Variants in ATP8A2 observed in about 807,000 individuals in gnomAD.
ATP8A2 encodes ATPase phospholipid transporting 8A2, also known as phospholipid-transporting ATPase IB.
In ATP8A2, 100 loss-of-function variants were observed where a neutral mutation model predicts 165.6. The observed-to-expected ratio is 0.60, with a 90% CI of 0.51 to 0.71. ATP8A2 has a LOEUF of 0.71. Ranked by LOEUF, ATP8A2 falls within the 30% of genes least tolerant of loss-of-function variation. The pLI is 0.00. For missense variants in ATP8A2, 1,227 were observed against 1,479.5 expected, an observed-to-expected ratio of 0.83 and a Z score of 2.80; for synonymous variants, 543 against 548.8, an observed-to-expected ratio of 0.99 and a Z score of 0.15.
intron 1 of ATP8A2, among the ~76,000 whole-genome samples, chr13:25,424,819 G>A (rs1444911872): frequency 1.3e-5 from 2 of 152,108 alleles, no homozygotes; most frequent in Non-Finnish European, 2.9e-5. Flanking sequence ...TTAGCTAGAT[G>A]TGGTGGTGGG....
chr13:25,715,418 T>C (rs1188824239), intron 25 of ATP8A2, among the ~76,000 whole-genome samples: 7 of 152,226 alleles, frequency 4.6e-5, no homozygotes, highest in African/African-American at 1.7e-4. Context: ...TACAGCAGTA[T>C]AACTATCACT....
chr13:25,570,503 G>T (rs921614719), intron 16 of ATP8A2, among the ~76,000 whole-genome samples: 1 of 152,150 alleles, frequency 6.6e-6, no homozygotes, highest in South Asian at 2.1e-4. Context: ...AGGCTCTTTC[G>T]TCTTTTCTCT....
At chr13:25,554,015 A>T in intron 12 of ATP8A2, 95 bp downstream of exon 12, 1 of 1,334,888 alleles carries the variant, frequency 7.5e-7, no homozygotes, top group South Asian at 1.4e-5. Flanking sequence ...AACTATATTC[A>T]TTTACCATTA....
chr13:25,739,999 T>A (rs2043872156), intron 25 of ATP8A2, among the ~76,000 whole-genome samples: 2 of 152,198 alleles, frequency 1.3e-5, no homozygotes, highest in Non-Finnish European at 2.9e-5. Flanking sequence ...AGGGGCCACC[T>A]ACATTGCTCA....
At chr13:25,869,744 C>G (rs757209094) in intron 33 of ATP8A2, among the ~76,000 whole-genome samples, 1 of 152,158 alleles carries the variant, frequency 6.6e-6, no homozygotes, top group Non-Finnish European at 1.5e-5. Context: ...TTCAGCGCCC[C>G]GCTGCTCAGA....
At chr13:25,387,211 A>G (rs987695153) in intron 1 of ATP8A2, among the ~76,000 whole-genome samples, 2 of 152,202 alleles carry the variant, frequency 1.3e-5, no homozygotes, top group East Asian at 1.9e-4. Context: ...GTGAGCAGCC[A>G]TGAGCCTCAA....
intron 35 of ATP8A2, among the ~76,000 whole-genome samples, chr13:26,010,053 A>G (rs984858678): frequency 6.6e-6 from 1 of 152,214 alleles, no homozygotes; most frequent in African/African-American, 2.4e-5. Flanking sequence ...GCAACAAGCA[A>G]GACTCTGTCT....
chr13:25,396,751 G>C (rs1418012839), intron 1 of ATP8A2, among the ~76,000 whole-genome samples: 1 of 152,194 alleles, frequency 6.6e-6, no homozygotes, highest in African/African-American at 2.4e-5. Flanking sequence ...CCACTAGCAA[G>C]TATGCATTTC....
chr13:25,709,346 T>A (rs950033609), intron 25 of ATP8A2, among the ~76,000 whole-genome samples: 7 of 152,226 alleles, frequency 4.6e-5, no homozygotes, highest in African/African-American at 1.4e-4. Context: ...TGCCTGTCAA[T>A]CATTTGTGCA....
chr13:25,697,209 G>A (rs2042851661), intron 24 of ATP8A2, among the ~76,000 whole-genome samples: 2 of 152,194 alleles, frequency 1.3e-5, no homozygotes, highest in South Asian at 4.1e-4. Flanking sequence ...GCTAATGATG[G>A]CATGTATTCA....
chr13:25,624,932 A>G (rs1051969523), intron 24 of ATP8A2, among the ~76,000 whole-genome samples: 1 of 152,212 alleles, frequency 6.6e-6, no homozygotes, highest in African/African-American at 2.4e-5. Context: ...GCTGAAATCT[A>G]AAAGTTTTTT....
chr13:25,843,761 A>T (rs936052521), intron 30 of ATP8A2, among the ~76,000 whole-genome samples: 1 of 152,192 alleles, frequency 6.6e-6, no homozygotes, highest in Non-Finnish European at 1.5e-5. Context: ...TGGAAGTATC[A>T]ATCAAAACAC....
intron 27 of ATP8A2, among the ~76,000 whole-genome samples, chr13:25,800,949 C>T (rs970157883): frequency 2.0e-5 from 3 of 152,016 alleles, no homozygotes; most frequent in Non-Finnish European, 2.9e-5. Flanking sequence ...CTTTCAGGGT[C>T]GAGAATTTCT....
chr13:25,442,205 G>A (rs895501761), intron 1 of ATP8A2, among the ~76,000 whole-genome samples: 6 of 152,142 alleles, frequency 3.9e-5, no homozygotes, highest in Admixed American at 3.9e-4. Flanking sequence ...TATAAACATG[G>A]GTGTACAAAT....
intron 1 of ATP8A2, among the ~76,000 whole-genome samples, chr13:25,456,545 G>C (rs2035367926): frequency 6.6e-6 from 1 of 152,224 alleles, no homozygotes; most frequent in South Asian, 2.1e-4. Flanking sequence ...CAACCCAAGA[G>C]TGTGCGACAA....
intron 2 of ATP8A2, among the ~76,000 whole-genome samples, chr13:25,514,820 G>C (rs935144060): frequency 6.6e-6 from 1 of 152,112 alleles, no homozygotes; most frequent in Non-Finnish European, 1.5e-5. Context: ...GGCTGAAACT[G>C]TTCCCCTCCT....
intron 24 of ATP8A2, among the ~76,000 whole-genome samples, chr13:25,621,834 G>A (rs1249972287): frequency 6.6e-6 from 1 of 152,094 alleles, no homozygotes; most frequent in Non-Finnish European, 1.5e-5. Flanking sequence ...GTTTTGTCCT[G>A]TGACTGAGAT....
intron 33 of ATP8A2, among the ~76,000 whole-genome samples, chr13:25,869,655 A>T (rs1952622075): frequency 6.6e-6 from 1 of 152,242 alleles, no homozygotes; most frequent in Non-Finnish European, 1.5e-5. Context: ...AACAGTAGGT[A>T]ATGTTTATTG....
intron 3 of ATP8A2, 28 bp downstream of exon 3, chr13:25,530,126 A>C (rs748149108): frequency 8.3e-6 from 11 of 1,330,502 alleles, no homozygotes; most frequent in Admixed American, 3.6e-5. Flanking sequence ...GTTCCTTGGA[A>C]TTCACTTAAT....
Sources: gnomAD v4.1 joint callset for allele counts (sites outside exome capture counted in the v4.1 genomes callset) on GRCh38, gnomAD v4.1.1 for gene constraint, MANE v1.5 for transcripts, NCBI Gene and HGNC (gene_info 2026-07-23, HGNC 2026-07-21) for gene names.